The following PCDHGB1 variants were observed in gnomAD, a reference collection of about 807,000 sequenced individuals.
The protein encoded by PCDHGB1 is protocadherin gamma subfamily B, 1, also known as protocadherin gamma-B1.
In PCDHGB1, 34 loss-of-function variants were observed where a neutral mutation model predicts 56.6. The observed-to-expected ratio is 0.60, with a 90% CI of 0.46 to 0.80. The LOEUF is 0.80. Among genes scored for constraint, PCDHGB1 ranks in the 30% least tolerant of loss-of-function variants. The probability of loss-of-function intolerance (pLI) is 0.00; values close to 1 mark genes in which losing one functional copy is unlikely to be tolerated. For synonymous variants in PCDHGB1, 561 were observed against 505.9 expected (o/e 1.11, Z -1.46); for missense variants, 1,278 against 1,204.6 (o/e 1.06, Z -0.90).
chr5:141,399,711 A>G (rs1232938340), intron 1 of PCDHGB1: 5 of 1,613,236 alleles, frequency 3.1e-6, no homozygotes, highest in African/African-American at 1.3e-5. Context: ...AACTCACACT[A>G]CAGGCCCGCG....
chr5:141,407,618 T>C (rs2094961239), intron 1 of PCDHGB1, among the ~76,000 whole-genome samples: 1 of 152,204 alleles, frequency 6.6e-6, no homozygotes, highest in South Asian at 2.1e-4. Context: ...TTGGTTGACA[T>C]TCTATATCTC....
chr5:141,404,334 T>G (rs1201635505), intron 1 of PCDHGB1: 2 of 1,613,882 alleles, frequency 1.2e-6, no homozygotes, highest in Non-Finnish European at 1.7e-6. Flanking sequence ...TCAGTCTACC[T>G]CCCGGAAAAC....
intron 1 of PCDHGB1, among the ~76,000 whole-genome samples, chr5:141,492,118 TC>T (rs1338861093): frequency 6.6e-6 from 1 of 152,176 alleles, no homozygotes; most frequent in Non-Finnish European, 1.5e-5. Flanking sequence ...CTTCGATTTC[TC>T]CCCAGCTCCC....
intron 1 of PCDHGB1, among the ~76,000 whole-genome samples, chr5:141,358,420 A>G (rs1420796908): frequency 6.6e-6 from 1 of 152,090 alleles, no homozygotes; most frequent in Non-Finnish European, 1.5e-5. Flanking sequence ...TTGAAAGGGT[A>G]TTTTCCATTA....
chr5:141,405,553 T>G, intron 1 of PCDHGB1: 1 of 619,004 alleles, frequency 1.6e-6, no homozygotes, highest in Non-Finnish European at 2.8e-6. Flanking sequence ...CCAAGTAGAG[T>G]AGCTGGGACT....
At chr5:141,352,843 T>C (rs1158383642) in intron 1 of PCDHGB1, 174 bp downstream of exon 1, 4 of 698,596 alleles carry the variant, frequency 5.7e-6, no homozygotes, top group East Asian at 2.7e-5. Context: ...CAAAAATTAG[T>C]TGGGTGTGGT....
chr5:141,400,728 T>G (rs1293655070), intron 1 of PCDHGB1: 2 of 648,072 alleles, frequency 3.1e-6, no homozygotes, highest in Non-Finnish European at 5.2e-6. Flanking sequence ...ATTTACAAAG[T>G]AGTGAGAGTT....
rs779191558 is a variant in PCDHGB1 at position 141,491,465 on chromosome 5, A to G, written c.2410-3342A>G. On this transcript the variant is annotated intron_variant, in intron 1 of 3. Coordinates refer to ENST00000523390, the MANE Select transcript of PCDHGB1 (RefSeq NM_018922.3). This position sits in a 1 kb window ranked among gnomAD's most constrained non-coding sequence, Gnocchi z 6.9. The stretch of plus-strand genomic sequence containing the variant: ...CAGGACTCACCCTCCCCGGACTTCT[A>G]TAAGCAGTCCAGCCCCAACCTGCAG... 1.2e-6 allele frequency: 2 copies of G among 1,613,974 alleles called. No homozygotes were observed. The highest frequency in any genetic ancestry group is 1.1e-5 in the South Asian group (1 of 91,084).
rs909255357 is a variant in PCDHGB1 at position 141,489,178 on chromosome 5, C to A, written c.2410-5629C>A. 5 of 1,234,744 alleles carry A rather than the reference C, an allele frequency of 4.0e-6. No individual in the cohort carries two copies. The highest frequency in any genetic ancestry group is 2.3e-5 in the Admixed American group (1 of 42,922). The allele number at this position is 1,234,744 out of a possible 1,614,324, so 76.5% of individuals were successfully genotyped here. Reference sequence around the variant, plus strand: ...GAGACTTCAGCTGCTGCATTCCAAGCCCTGGGTCTACCTTGGAGACAGGAC... The same window carrying A: ...GAGACTTCAGCTGCTGCATTCCAAGACCTGGGTCTACCTTGGAGACAGGAC... On this transcript the variant is annotated intron_variant, in intron 1 of 3. Transcript: ENST00000523390. This position sits in a 1 kb window ranked among gnomAD's most constrained non-coding sequence, Gnocchi z 4.5.
At chr5:141,353,468 T>C (rs1344586353) in intron 1 of PCDHGB1, among the ~76,000 whole-genome samples, 1 of 152,198 alleles carries the variant, frequency 6.6e-6, no homozygotes, top group Non-Finnish European at 1.5e-5. Flanking sequence ...AGCCTTCCAA[T>C]TATTAAGACT....
chr5:141,419,259 C>G, intron 1 of PCDHGB1: 4 of 1,614,016 alleles, frequency 2.5e-6, no homozygotes, highest in Non-Finnish European at 2.5e-6. Context: ...AACAACCAGC[C>G]GGGTGCCTCC....
At chr5:141,483,761 GA>G (rs1376816525) in intron 1 of PCDHGB1, among the ~76,000 whole-genome samples, 1 of 152,118 alleles carries the variant, frequency 6.6e-6, no homozygotes, top group African/African-American at 2.4e-5. Flanking sequence ...TCGAGGCTTG[GA>G]AAAATATTGG....
intron 1 of PCDHGB1, chr5:141,370,622 C>A (rs756641778): frequency 1.9e-6 from 3 of 1,613,902 alleles, no homozygotes; most frequent in Non-Finnish European, 2.5e-6. Flanking sequence ...AATTCTTTAC[C>A]GTGAGCCCCG....
intron 1 of PCDHGB1, chr5:141,356,661 CACTT>C: frequency 6.2e-7 from 1 of 1,614,052 alleles, no homozygotes; most frequent in African/African-American, 1.3e-5. Context: ...ATGCCCGAAT[CACTT>C]ACTCCCTGGC....
At chr5:141,374,285 T>A in intron 1 of PCDHGB1, 1 of 1,613,970 alleles carries the variant, frequency 6.2e-7, no homozygotes. Flanking sequence ...CCGCATCGTC[T>A]CCAGAGGTAG....
At chr5:141,415,809 CTA>C in intron 1 of PCDHGB1, 1 of 1,346,328 alleles carries the variant, frequency 7.4e-7, no homozygotes, top group Non-Finnish European at 9.5e-7. Flanking sequence ...CAATCAAGGC[CTA>C]TATATCATAA....
At position 141,360,263 on chromosome 5, in the gene PCDHGB1, A is replaced by G. The variant is rs555467064; in HGVS notation, c.2409+7594A>G. The G allele has an allele frequency of 1.9e-6, 3 of 1,613,984 alleles. No individual in the cohort carries two copies. In the Admixed American group the frequency reaches 5.0e-5, roughly 27 times the overall value. On this transcript the variant is annotated intron_variant, in intron 1 of 3. Transcript: ENST00000523390. ...TATTCAATTCCAGAGGAGCTGGCCA[A>G]AAACTCGGTCGTAGGAAACCTCGCC...
intron 1 of PCDHGB1, 82 bp from the exon 2 acceptor site, chr5:141,494,725 C>G: frequency 6.2e-7 from 1 of 1,610,026 alleles, no homozygotes; most frequent in East Asian, 2.2e-5. Flanking sequence ...CCCTCCTTCT[C>G]TCCCGGCCCA....
intron 1 of PCDHGB1, among the ~76,000 whole-genome samples, chr5:141,452,542 C>T (rs2098743637): frequency 6.6e-6 from 1 of 152,180 alleles, no homozygotes; most frequent in Admixed American, 6.6e-5. Flanking sequence ...CATATTGATA[C>T]CTCCAGTTCT....
Sources: allele counts gnomAD v4.1 joint callset (sites outside exome capture counted in the v4.1 genomes callset), GRCh38; gene constraint gnomAD v4.1.1; non-coding constraint Gnocchi (gnomAD v3.1); transcripts MANE v1.5; gene names NCBI Gene and HGNC (gene_info 2026-07-23, HGNC 2026-07-21).